MRTFB: variants seen among roughly 807,000 people sequenced by gnomAD.
The protein encoded by MRTFB is myocardin related transcription factor B.
MRTFB carries 29 observed loss-of-function variants against 104.2 expected under a neutral mutation model. The observed-to-expected ratio is 0.28, with a 90% CI of 0.21 to 0.38. The LOEUF is 0.38. Among genes scored for constraint, MRTFB ranks in the 10% least tolerant of loss-of-function variants. The pLI is 1.00. For missense variants in MRTFB, 1,270 were observed against 1,341.6 expected (o/e 0.95, Z 0.83); for synonymous variants, 535 against 519.5 (o/e 1.03, Z -0.41).
the MRTFB span, among the ~76,000 whole-genome samples, chr16:14,033,684 A>T: frequency 6.6e-6 from 1 of 151,826 alleles, no homozygotes; most frequent in African/African-American, 2.4e-5. Flanking sequence ...CTAAAAATAC[A>T]AAATTAGCCA....
At chr16:14,200,592 A>G (rs2040651814) in intron 3 of MRTFB, 1 of 1,596,020 alleles carries the variant, frequency 6.3e-7, no homozygotes, top group Non-Finnish European at 8.6e-7. Flanking sequence ...TGGGCAGTGA[A>G]GAATATCACA....
the MRTFB span, chr16:14,009,185 G>A: frequency 6.6e-6 from 1 of 152,142 alleles, no homozygotes; most frequent in African/African-American, 2.4e-5. Flanking sequence ...CTGGGCTTGA[G>A]TGATCCTCCT....
At chr16:13,998,308 A>C in the MRTFB span, among the ~76,000 whole-genome samples, 1 of 152,154 alleles carries the variant, frequency 6.6e-6, no homozygotes, top group African/African-American at 2.4e-5. Context: ...TTTTGGGAGT[A>C]ACAGACCTGG....
chr16:14,219,679 C>T (rs988619427), intron 8 of MRTFB, among the ~76,000 whole-genome samples: 1 of 152,190 alleles, frequency 6.6e-6, no homozygotes, highest in Non-Finnish European at 1.5e-5. Flanking sequence ...CATTTTCTTA[C>T]AGCATTTCTT....
chr16:14,029,417 AAAATATATATATATAT>A, the MRTFB span, among the ~76,000 whole-genome samples: 2 of 70,444 alleles, frequency 2.8e-5, no homozygotes, highest in African/African-American at 4.1e-5. Flanking sequence ...AAAAAAAAAA[AAAATATATATATATAT>A]ATATATATAT....
At chr16:14,036,286 TTATATATATTTATATATATATATA>T in the MRTFB span, among the ~76,000 whole-genome samples, 1 of 41,220 alleles carries the variant, frequency 2.4e-5, no homozygotes, top group African/African-American at 6.0e-5. Context: ...TATATGTATT[TTATATATATTTATATATATATATA>T]TATATATATA....
upstream of MRTFB, among the ~76,000 whole-genome samples, chr16:14,071,135 T>C (rs1353367737): frequency 6.6e-6 from 1 of 151,990 alleles, no homozygotes; most frequent in African/African-American, 2.4e-5. Context: ...CTTTAACCCT[T>C]CCCAGTCACG....
chr16:14,118,253 C>CA (rs1047877324), intron 2 of MRTFB, among the ~76,000 whole-genome samples: 5 of 151,674 alleles, frequency 3.3e-5, no homozygotes, highest in Admixed American at 1.3e-4. Flanking sequence ...CCTCCCGCCT[C>CA]AGTCTCCTGA....
At chr16:14,089,104 G>A (rs776939735) in intron 2 of MRTFB, among the ~76,000 whole-genome samples, 5 of 152,180 alleles carry the variant, frequency 3.3e-5, no homozygotes, top group Non-Finnish European at 7.3e-5. Context: ...GCCTCTGCAC[G>A]GAGGTGTTGC....
At chr16:14,004,230 G>A in the MRTFB span, among the ~76,000 whole-genome samples, 1 of 152,174 alleles carries the variant, frequency 6.6e-6, no homozygotes, top group African/African-American at 2.4e-5. Context: ...CAAGTAACCG[G>A]GGTGGAGGGA....
chr16:14,130,184 T>C (rs1303905433), intron 2 of MRTFB, among the ~76,000 whole-genome samples: 1 of 152,200 alleles, frequency 6.6e-6, no homozygotes, highest in Non-Finnish European at 1.5e-5. Flanking sequence ...GGTTTTTATC[T>C]TTTTTTCTTT....
In MRTFB at chr16:14,261,338, C is replaced by T. The variant is rs746446604; in HGVS notation, c.3194C>T (p.Thr1065Ile). ...GACAACATGGAGTGGTTGGACATTA[C>T]CATGCCCAACTCCTCTTCAGGACTC... ...NLDNMEWLDI[T>I]MPNSSSGLTP... The change falls in exon 17 of 17, where the codon ACC (threonine) becomes ATC (isoleucine). Residue 1065 changes from threonine to isoleucine, a missense_variant. By Grantham distance (89) the Thr-to-Ile change is moderately conservative. This residue lies in a region of MRTFB where 1,144 missense variants were observed against 1,131.5 expected (regional missense o/e 1.01). Transcript: ENST00000571589. The T allele has an allele frequency of 6.2e-6, 10 of 1,614,132 alleles. No individual in the cohort carries two copies. The highest frequency in any genetic ancestry group is 8.5e-6 in the Non-Finnish European group (10 of 1,180,006).
chr16:14,234,573 G>A (rs927837299), intron 9 of MRTFB, among the ~76,000 whole-genome samples: 1 of 152,054 alleles, frequency 6.6e-6, no homozygotes. Flanking sequence ...GCAGGAGGAC[G>A]ACTTGAGGCC....
chr16:14,012,534 G>A, the MRTFB span, among the ~76,000 whole-genome samples: 11 of 151,920 alleles, frequency 7.2e-5, no homozygotes, highest in African/African-American at 2.2e-4. Flanking sequence ...TCCTGACCTC[G>A]AGATCTGCCC....
At chr16:14,181,711 A>T (rs1192922181) in intron 3 of MRTFB, among the ~76,000 whole-genome samples, 1 of 152,196 alleles carries the variant, frequency 6.6e-6, no homozygotes, top group Non-Finnish European at 1.5e-5. Context: ...TTCATAGTGA[A>T]GTATAGTATC....
upstream of MRTFB, among the ~76,000 whole-genome samples, chr16:14,069,420 C>T (rs1347077284): frequency 6.6e-6 from 1 of 152,220 alleles, no homozygotes; most frequent in Non-Finnish European, 1.5e-5. Context: ...CCTGGCTTTC[C>T]AGTTTGGAGA....
intron 9 of MRTFB, among the ~76,000 whole-genome samples, 186 bp downstream of exon 9, chr16:14,234,469 C>G (rs921240290): frequency 6.6e-6 from 1 of 152,180 alleles, no homozygotes; most frequent in Admixed American, 6.5e-5. Context: ...GTGCTATAGT[C>G]ATAGAAAAAT....
the MRTFB span, among the ~76,000 whole-genome samples, chr16:14,033,236 C>T: frequency 2.0e-5 from 3 of 151,820 alleles, no homozygotes; most frequent in South Asian, 2.1e-4. Flanking sequence ...CCCATCTCTA[C>T]AAAAATTTAA....
intron 3 of MRTFB, among the ~76,000 whole-genome samples, chr16:14,187,791 G>C (rs1275607493): frequency 6.6e-6 from 1 of 152,214 alleles, no homozygotes; most frequent in African/African-American, 2.4e-5. Flanking sequence ...AGGGTCTACA[G>C]AGAATAAGTT....
Sources: gnomAD v4.1 joint callset for allele counts (sites outside exome capture counted in the v4.1 genomes callset) on GRCh38, gnomAD v4.1.1 for gene constraint, gnomAD v4.1.1 regional missense constraint, MANE v1.5 for transcripts, NCBI Gene and HGNC (gene_info 2026-07-23, HGNC 2026-07-21) for gene names.